CDK13: variants seen among roughly 807,000 people sequenced by gnomAD.
CDK13 encodes the protein cyclin-dependent kinase 13.
CDK13 carries 40 observed loss-of-function variants against 137.6 expected under a neutral mutation model. The observed-to-expected ratio is 0.29, with a 90% CI of 0.23 to 0.38. CDK13 has a LOEUF of 0.38. Among genes scored for constraint, CDK13 ranks in the 10% least tolerant of loss-of-function variants. CDK13 has a pLI of 1.00. For synonymous variants in CDK13, 869 were observed against 760.1 expected, an observed-to-expected ratio of 1.14 and a Z score of -2.36; for missense variants, 1,704 against 1,951.8, an observed-to-expected ratio of 0.87 and a Z score of 2.39.
rs1032009817 is a variant in CDK13 at position 39,997,007 on chromosome 7, C to A, written c.1872-487C>A. Among the ~76,000 whole-genome samples the A allele has an allele frequency of 1.5e-4, 18 of 123,504 alleles. No individual in the cohort carries two copies. The East Asian group carries it at 2.9e-3, about 20-fold the overall frequency. The allele number at this position is 123,504 out of a possible 152,430, so 81.0% of individuals were successfully genotyped here. ...AAAAAAAGAAAAATGCTTTGCAAAA[C>A]TGAGTTTTTATGCAAAGCATGTTTA... On this transcript the variant is annotated intron_variant, in intron 2 of 13. Transcript: ENST00000181839.
chr7:40,046,940 G>A (rs972776049), intron 6 of CDK13, among the ~76,000 whole-genome samples: 6 of 147,492 alleles, frequency 4.1e-5, no homozygotes, highest in African/African-American at 1.5e-4. Context: ...AAGTGGAGTT[G>A]AGTGGAGTCA....
chr7:39,982,264 T>C (rs528175609), intron 1 of CDK13, among the ~76,000 whole-genome samples: 1 of 149,496 alleles, frequency 6.7e-6, no homozygotes, highest in African/African-American at 2.5e-5. Flanking sequence ...GAACATGCGG[T>C]GTTTGGTTTT....
intron 2 of CDK13, among the ~76,000 whole-genome samples, chr7:39,996,979 A>AAG (rs1784575670): frequency 6.7e-6 from 1 of 149,970 alleles, no homozygotes; most frequent in Non-Finnish European, 1.5e-5. Flanking sequence ...AAAAAAAAGA[A>AAG]AAAAAAAAAG....
At chr7:40,090,142 AGGCAACAGTTGTCATATTT>A (rs1786889675) in intron 12 of CDK13, among the ~76,000 whole-genome samples, 1 of 152,170 alleles carries the variant, frequency 6.6e-6, no homozygotes, top group Non-Finnish European at 1.5e-5. Context: ...CTGTTTTCCC[AGGCAACAGTTGTCATATTT>A]GGCAAGACTC....
intron 1 of CDK13, among the ~76,000 whole-genome samples, chr7:39,965,209 A>T (rs1783840714): frequency 6.6e-6 from 1 of 152,144 alleles, no homozygotes; most frequent in Non-Finnish European, 1.5e-5. Context: ...GATCTGTCTA[A>T]TGTTGACAGT....
intron 9 of CDK13, among the ~76,000 whole-genome samples, chr7:40,066,170 A>C (rs1786275668): frequency 2.6e-5 from 4 of 152,246 alleles, no homozygotes; most frequent in Non-Finnish European, 5.9e-5. Flanking sequence ...ACACCACCGC[A>C]TTCCAGCCTG....
rs1787171074 is a variant in CDK13 at position 39,951,206 on chromosome 7, C to G, written c.565C>G (p.Arg189Gly). The G allele has an allele frequency of 8.0e-7, 1 of 1,251,216 alleles. No homozygotes were observed. 77.5% of individuals were successfully genotyped at this position (1,251,216 alleles called of 1,614,324 possible). A position where few individuals can be genotyped will look rare whatever the true frequency, so the allele number is the denominator to read the frequency against. The change falls in exon 1 of 14, where the codon CGG becomes GGG. Residue 189 changes from arginine to glycine, a missense_variant. By Grantham distance (125) the Arg-to-Gly change is moderately radical. Transcript: ENST00000181839. ...TCCGGCCTCCTCCTCCGGCACCCAGCGGCGCGGGGAGGGGTCGGAGCGCAG... is the reference window on the plus strand; with the variant it reads ...TCCGGCCTCCTCCTCCGGCACCCAGGGGCGCGGGGAGGGGTCGGAGCGCAG... The part of the protein sequence containing the change: ...GSPASSSGTQ[R>G]RGEGSERRPR...
intron 11 of CDK13, among the ~76,000 whole-genome samples, chr7:40,084,109 C>A (rs965832809): frequency 6.6e-6 from 1 of 152,136 alleles, no homozygotes; most frequent in African/African-American, 2.4e-5. Flanking sequence ...CTTTGGGAGG[C>A]CGAGGCGGAC....
chr7:39,993,153 G>A (rs1023194918), intron 2 of CDK13, among the ~76,000 whole-genome samples: 1 of 152,172 alleles, frequency 6.6e-6, no homozygotes, highest in Non-Finnish European at 1.5e-5. Flanking sequence ...AGTAGGGACT[G>A]CACATGGTGA....
intron 1 of CDK13, among the ~76,000 whole-genome samples, chr7:39,965,041 C>T (rs1783836687): frequency 1.3e-5 from 2 of 152,162 alleles, no homozygotes; most frequent in South Asian, 4.2e-4. Flanking sequence ...GCTTTACTTC[C>T]AAGTATGTGG....
chr7:40,035,272 A>G (rs1162500105), intron 5 of CDK13, among the ~76,000 whole-genome samples: 1 of 152,186 alleles, frequency 6.6e-6, no homozygotes, highest in Non-Finnish European at 1.5e-5. Flanking sequence ...GACCTACTCA[A>G]TTGATTGCAT....
intron 2 of CDK13, among the ~76,000 whole-genome samples, chr7:39,992,163 G>GTGTGT (rs1554325730): frequency 6.8e-6 from 1 of 146,310 alleles, no homozygotes; most frequent in South Asian, 2.2e-4. Flanking sequence ...AACTAATGAG[G>GTGTGT]GTGTGTGTGT....
In CDK13 at chr7:40,061,045, G is replaced by A. The variant is rs373259910; in HGVS notation, c.2601-1781G>A. Reference sequence around the variant, plus strand: ...ATTGCGCCACTGTACTCCAGCCTGGGCGACAAGAGTGAGACTCCAGCGCAA... The same window carrying A: ...ATTGCGCCACTGTACTCCAGCCTGGACGACAAGAGTGAGACTCCAGCGCAA... On this transcript the variant is annotated intron_variant, in intron 7 of 13. Transcript: ENST00000181839. 9.9e-5 allele frequency: 15 copies of A among 151,952 alleles called. 1 individual carries two copies. The South Asian group carries it at 2.1e-3, about 21-fold the overall frequency. The allele number at this position is 151,952 out of a possible 1,614,324, so 9.4% of individuals were successfully genotyped here.
chr7:40,094,172 A>C lies in CDK13; in HGVS notation c.3731A>C (p.Glu1244Ala). 6.2e-7 allele frequency: 1 copy of C among 1,613,956 alleles called. No homozygotes were observed. Among genetic ancestry groups the C allele is most frequent in the Non-Finnish European group, 8.5e-7 (1 of 1,179,968 alleles). Reference protein sequence around the residue: ...LIQHQDMRILELTPEPDRPRI... With the variant: ...LIQHQDMRILALTPEPDRPRI... Reference sequence around the variant, plus strand: ...CAGCATCAAGATATGAGGATCTTGGAGCTAACGCCAGAACCAGACCGGCCT... The same window carrying C: ...CAGCATCAAGATATGAGGATCTTGGCGCTAACGCCAGAACCAGACCGGCCT... Residue 1244 changes from glutamate (E) to alanine (A), a missense_variant, in exon 14 of 14, where the codon GAG becomes GCG. Around this residue, in one of 5 missense-constraint regions of CDK13, gnomAD observed 475 missense variants for 579.3 expected, o/e 0.82. Transcript: ENST00000181839.
intron 2 of CDK13, 88 bp downstream of exon 2, chr7:39,988,346 C>T (rs1393720790): frequency 1.2e-5 from 11 of 933,104 alleles, no homozygotes; most frequent in Middle Eastern, 2.2e-4. Context: ...CTAACCCCCT[C>T]GAAACAACTT....
chr7:39,954,693 A>G (rs1787353850), intron 1 of CDK13, among the ~76,000 whole-genome samples: 1 of 152,268 alleles, frequency 6.6e-6, no homozygotes, highest in African/African-American at 2.4e-5. Flanking sequence ...CAGAACTTAC[A>G]TATTAATGAA....
intron 6 of CDK13, among the ~76,000 whole-genome samples, chr7:40,047,012 CAA>C (rs398040131): frequency 3.9e-3 from 259 of 65,786 alleles, no homozygotes; most frequent in African/African-American, 0.014. Context: ...GACTCGGTCT[CAA>C]AAAAAAAAAA....
chr7:39,988,792 C>G (rs1784394930), intron 2 of CDK13, among the ~76,000 whole-genome samples: 1 of 151,926 alleles, frequency 6.6e-6, no homozygotes, highest in African/African-American at 2.4e-5. Flanking sequence ...ATAGAAAACT[C>G]ATAATGTGGC....
chr7:40,027,366 A>C (rs1785265839), intron 5 of CDK13, among the ~76,000 whole-genome samples: 1 of 152,168 alleles, frequency 6.6e-6, no homozygotes. Context: ...AACAAACAAA[A>C]AAACTTTTAT....
Sources: gnomAD v4.1 joint callset for allele counts (sites outside exome capture counted in the v4.1 genomes callset) on GRCh38, gnomAD v4.1.1 for gene constraint, gnomAD v4.1.1 regional missense constraint, MANE v1.5 for transcripts, NCBI Gene and HGNC (gene_info 2026-07-23, HGNC 2026-07-21) for gene names.